Variants in PIBF1 observed in about 807,000 individuals in gnomAD.
PIBF1 encodes the protein progesterone immunomodulatory binding factor 1.
A neutral mutation model predicts 112.5 loss-of-function variants in PIBF1; 90 were observed. That is an observed-to-expected ratio of 0.80 (90% CI 0.67 to 0.95). The LOEUF (loss-of-function observed/expected upper bound fraction) is 0.95. PIBF1 is among the 40% of genes least tolerant of loss of function. PIBF1 has a pLI of 0.00. For missense variants in PIBF1, 915 were observed against 852.3 expected (o/e 1.07, Z -0.92); for synonymous variants, 301 against 288.6 (o/e 1.04, Z -0.44).
chr13:72,900,987 G>A (rs986519207), intron 11 of PIBF1: 17 of 385,168 alleles, frequency 4.4e-5, no homozygotes, highest in African/African-American at 8.6e-5. Context: ...GCGCCATTCC[G>A]CTGCACCCTG....
intron 9 of PIBF1, among the ~76,000 whole-genome samples, chr13:72,853,364 CTTAAT>C (rs2038260105): frequency 6.6e-6 from 1 of 152,126 alleles, no homozygotes; most frequent in African/African-American, 2.4e-5. Context: ...CTCAGATCTA[CTTAAT>C]TTAGTCATAC....
chr13:72,844,780 C>CACAG (rs2037784236), intron 9 of PIBF1, among the ~76,000 whole-genome samples: 1 of 121,430 alleles, frequency 8.2e-6, no homozygotes, highest in African/African-American at 3.0e-5. Context: ...CACACACACA[C>CACAG]ACACACACAC....
intron 5 of PIBF1, among the ~76,000 whole-genome samples, chr13:72,818,118 A>G (rs1440768980): frequency 1.3e-5 from 2 of 152,092 alleles, no homozygotes; most frequent in East Asian, 3.8e-4. Context: ...CTGTATATTT[A>G]TTCTTCCATG....
intron 5 of PIBF1, among the ~76,000 whole-genome samples, chr13:72,806,322 T>G (rs2035729905): frequency 6.6e-6 from 1 of 152,190 alleles, no homozygotes; most frequent in Non-Finnish European, 1.5e-5. Flanking sequence ...TTGGTTTCAA[T>G]TAGCATAATG....
In PIBF1 at chr13:72,998,972, T is replaced by C; in HGVS notation, c.2200T>C (p.Phe734Leu). ...GCCTAAAGAGCATGAAGACAATATA[T>C]TTACACCTAAACCAACACTCTTTGT... is the stretch of plus-strand genomic sequence containing the variant. ...NVPKEHEDNI[F>L]TPKPTLFTKK... The change falls in exon 17 of 18, where the codon TTT (phenylalanine) becomes CTT (leucine). Residue 734 changes from phenylalanine (F) to leucine (L), a missense_variant. By Grantham distance (22) the Phe-to-Leu change is conservative. Transcript: ENST00000326291. The C allele has an allele frequency of 6.2e-7, 1 of 1,603,298 alleles. No individual in the cohort carries two copies. Among genetic ancestry groups the C allele is most frequent in the Non-Finnish European group, 8.5e-7 (1 of 1,173,012 alleles).
chr13:72,815,109 G>T (rs1040080241), intron 5 of PIBF1, among the ~76,000 whole-genome samples: 1 of 152,114 alleles, frequency 6.6e-6, no homozygotes, highest in Non-Finnish European at 1.5e-5. Context: ...GAAAAAGAAA[G>T]TTCTGAGAAA....
intron 9 of PIBF1, among the ~76,000 whole-genome samples, chr13:72,842,649 C>G (rs905995500): frequency 6.6e-6 from 1 of 152,020 alleles, no homozygotes; most frequent in Non-Finnish European, 1.5e-5. Context: ...ACAGAGGTTC[C>G]AGTCATCATT....
intron 8 of PIBF1, among the ~76,000 whole-genome samples, chr13:72,833,584 G>T (rs1594008250): frequency 6.6e-6 from 1 of 152,232 alleles, no homozygotes; most frequent in African/African-American, 2.4e-5. Flanking sequence ...GGAGGCTGCA[G>T]AACAGCAAAG....
At chr13:72,991,575 A>G (rs758950710) in intron 16 of PIBF1, among the ~76,000 whole-genome samples, 73 of 152,150 alleles carry the variant, frequency 4.8e-4, no homozygotes, top group Non-Finnish European at 9.3e-4. Context: ...TTATCAGACT[A>G]CGTTATAGAA....
chr13:72,871,308 T>A (rs958706246), intron 10 of PIBF1, among the ~76,000 whole-genome samples: 3 of 152,142 alleles, frequency 2.0e-5, no homozygotes. Context: ...TCTGTCTCTC[T>A]TTCTCTCTCT....
intron 15 of PIBF1, among the ~76,000 whole-genome samples, chr13:72,971,473 GT>G (rs2042889801): frequency 6.6e-6 from 1 of 152,066 alleles, no homozygotes; most frequent in Non-Finnish European, 1.5e-5. Context: ...CCTTTATACT[GT>G]TTTGTTCTTT....
Position 73,015,961 on chromosome 13 carries a change from G to T in PIBF1, c.*42G>T. 1 of 1,271,324 alleles carries T rather than the reference G, an allele frequency of 7.9e-7. No individual in the cohort carries two copies. Among genetic ancestry groups the T allele is most frequent in the South Asian group, 1.7e-5 (1 of 57,502 alleles). The allele number at this position is 1,271,324 out of a possible 1,614,324, so 78.8% of individuals were successfully genotyped here. On this transcript the variant is annotated 3_prime_UTR_variant, in exon 18 of 18. Transcript: ENST00000326291. The stretch of plus-strand genomic sequence containing the variant: ...CACCTGTAGACCATTATATACTCCT[G>T]AAGTTCTTTTTCTGATGGAAAACAA...
At chr13:72,877,991 C>T (rs201864109) in intron 10 of PIBF1, among the ~76,000 whole-genome samples, 18 of 152,084 alleles carry the variant, frequency 1.2e-4, no homozygotes, top group South Asian at 2.1e-4. Flanking sequence ...TCAGGTGATC[C>T]GCCCACCTCG....
intron 5 of PIBF1, among the ~76,000 whole-genome samples, chr13:72,810,014 C>T (rs1305289426): frequency 6.6e-6 from 1 of 152,108 alleles, no homozygotes; most frequent in Non-Finnish European, 1.5e-5. Flanking sequence ...CATCTAGATA[C>T]TATTATAACA....
At chr13:72,868,270 C>T (rs1486266596) in intron 10 of PIBF1, among the ~76,000 whole-genome samples, 1 of 151,110 alleles carries the variant, frequency 6.6e-6, no homozygotes, top group African/African-American at 2.4e-5. Context: ...CACTATGCCC[C>T]TGCCTGAGCA....
chr13:73,000,208 T>G (rs1033634457), intron 17 of PIBF1, among the ~76,000 whole-genome samples: 34 of 152,170 alleles, frequency 2.2e-4, no homozygotes, highest in African/African-American at 7.7e-4. Flanking sequence ...AGCTTCTCTT[T>G]GTTTCTCCTC....
rs1030838977 is a variant in PIBF1 at position 72,973,793 on chromosome 13, T to A, written c.2049+118T>A. 1.5e-5 allele frequency: 9 copies of A among 604,042 alleles called. No homozygotes were observed. In the East Asian group the frequency reaches 1.5e-4, roughly 10 times the overall value. 37.4% of individuals were successfully genotyped at this position (604,042 alleles called of 1,614,324 possible). A position where few individuals can be genotyped will look rare whatever the true frequency, so the allele number is the denominator to read the frequency against. The stretch of plus-strand genomic sequence containing the variant: ...TCATTAATGACTTCTCTTATTTATG[T>A]CTCACTGTAATTTTGTCCTTTTTTA... On this transcript the variant is annotated intron_variant, in intron 16 of 17. Transcript: ENST00000326291.
chr13:72,924,367 C>A (rs933889824), intron 13 of PIBF1, among the ~76,000 whole-genome samples: 1 of 151,938 alleles, frequency 6.6e-6, no homozygotes, highest in East Asian at 1.9e-4. Flanking sequence ...GCTGCAACTT[C>A]GGAGTATGGT....
At chr13:72,916,050 T>G (rs2041080692) in intron 12 of PIBF1, among the ~76,000 whole-genome samples, 1 of 152,162 alleles carries the variant, frequency 6.6e-6, no homozygotes, top group Non-Finnish European at 1.5e-5. Flanking sequence ...CTATAGCCTT[T>G]GATGAAATAC....
Sources: gnomAD v4.1 joint callset for allele counts (sites outside exome capture counted in the v4.1 genomes callset) on GRCh38, gnomAD v4.1.1 for gene constraint, MANE v1.5 for transcripts, NCBI Gene and HGNC (gene_info 2026-07-23, HGNC 2026-07-21) for gene names.